The following FANCL variants were observed in gnomAD, a reference collection of about 807,000 sequenced individuals.
FANCL encodes FA complementation group L, also known as E3 ubiquitin-protein ligase FANCL.
Under a neutral mutation model 59.4 loss-of-function variants are expected in FANCL, and 69 were observed. The observed-to-expected ratio is 1.16, with a 90% CI of 0.96 to 1.42. The LOEUF is 1.42. FANCL is among the 40% of genes most tolerant of loss of function. The pLI is 0.00. For missense variants in FANCL, 519 were observed against 447.2 expected (o/e 1.16, Z -1.45); for synonymous variants, 180 against 147.1 (o/e 1.22, Z -1.62).
At chr2:58,175,510 A>G (rs1298521652) in intron 7 of FANCL, among the ~76,000 whole-genome samples, 1 of 152,114 alleles carries the variant, frequency 6.6e-6, no homozygotes, top group South Asian at 2.1e-4. Context: ...AATCCAGCAC[A>G]TAAACAGAAC....
chr2:58,241,127 G>C, intron 1 of FANCL, 91 bp downstream of exon 1: 1 of 1,367,404 alleles, frequency 7.3e-7, no homozygotes, highest in Non-Finnish European at 1.0e-6. Context: ...CACAAGTCTG[G>C]GCCCCTAACC....
chr2:58,180,180 T>C (rs531747743), intron 7 of FANCL, among the ~76,000 whole-genome samples: 1 of 152,326 alleles, frequency 6.6e-6, no homozygotes, highest in South Asian at 2.1e-4. Context: ...CTCAAGGATC[T>C]AGAAGCAGAA....
At chr2:58,185,887 A>T (rs990992882) in intron 7 of FANCL, among the ~76,000 whole-genome samples, 15 of 152,136 alleles carry the variant, frequency 9.9e-5, no homozygotes, top group African/African-American at 3.6e-4. Flanking sequence ...TCCACTGCTG[A>T]ATTACTTGTA....
At chr2:58,214,921 T>C (rs1691557014) in intron 5 of FANCL, among the ~76,000 whole-genome samples, 1 of 152,180 alleles carries the variant, frequency 6.6e-6, no homozygotes, top group Non-Finnish European at 1.5e-5. Flanking sequence ...AAATCTCATA[T>C]CACATCCTTA....
At chr2:58,205,424 A>G (rs756054987) in intron 5 of FANCL, among the ~76,000 whole-genome samples, 2 of 152,090 alleles carry the variant, frequency 1.3e-5, no homozygotes, top group Non-Finnish European at 2.9e-5. Flanking sequence ...TCTTTCAGCT[A>G]TATCTGTAAA....
At chr2:58,173,439 C>T (rs1381403312) in intron 7 of FANCL, among the ~76,000 whole-genome samples, 2 of 152,196 alleles carry the variant, frequency 1.3e-5, no homozygotes, top group Non-Finnish European at 2.9e-5. Context: ...GCTGATCTCT[C>T]AGCAGAAACT....
At chr2:58,189,547 AC>A (rs1667992659) in intron 7 of FANCL, among the ~76,000 whole-genome samples, 1 of 152,152 alleles carries the variant, frequency 6.6e-6, no homozygotes, top group Admixed American at 6.5e-5. Context: ...ATATGTGAGA[AC>A]TAAGATGTTA....
intron 8 of FANCL, among the ~76,000 whole-genome samples, chr2:58,164,489 A>G (rs565238061): frequency 1.2e-3 from 178 of 152,136 alleles, no homozygotes; most frequent in Middle Eastern, 3.4e-3. Flanking sequence ...TCATCTGGTA[A>G]TGGCTCCAGA....
chr2:58,216,728 T>A (rs1691757137), intron 5 of FANCL, among the ~76,000 whole-genome samples: 2 of 152,064 alleles, frequency 1.3e-5, no homozygotes, highest in South Asian at 4.1e-4. Context: ...GAATGCACAC[T>A]GTCCACCTTC....
intron 5 of FANCL, among the ~76,000 whole-genome samples, chr2:58,220,025 C>T (rs1029108290): frequency 6.6e-6 from 1 of 151,660 alleles, no homozygotes; most frequent in African/African-American, 2.4e-5. Context: ...TAAAGTAGCT[C>T]GGTTCTAATA....
chr2:58,226,977 G>A (rs1693072507), intron 3 of FANCL, among the ~76,000 whole-genome samples, 193 bp from the exon 4 acceptor site: 1 of 152,194 alleles, frequency 6.6e-6, no homozygotes, highest in African/African-American at 2.4e-5. Flanking sequence ...AGTAATTAAT[G>A]TCCTCAAATC....
chr2:58,233,738 T>TA (rs1214923405), intron 1 of FANCL, among the ~76,000 whole-genome samples: 6 of 150,436 alleles, frequency 4.0e-5, no homozygotes, highest in African/African-American at 1.2e-4. Context: ...TAAGTAAGTG[T>TA]AAAAAAAAAT....
intron 7 of FANCL, among the ~76,000 whole-genome samples, chr2:58,177,770 T>C (rs1173335473): frequency 7.0e-6 from 1 of 143,286 alleles, no homozygotes; most frequent in Non-Finnish European, 1.5e-5. Context: ...ACACTAAAAC[T>C]TAATAATAAA....
At chr2:58,217,263 A>C (rs1691931194) in intron 5 of FANCL, among the ~76,000 whole-genome samples, 1 of 131,152 alleles carries the variant, frequency 7.6e-6, no homozygotes, top group Non-Finnish European at 1.6e-5. Flanking sequence ...TTTGGCTAAA[A>C]CAAGAGGAAT....
chr2:58,186,687 A>G (rs1354066368), intron 7 of FANCL, among the ~76,000 whole-genome samples: 2 of 152,108 alleles, frequency 1.3e-5, no homozygotes, highest in East Asian at 3.9e-4. Context: ...GTAGATATGT[A>G]TGTATGCCTT....
intron 5 of FANCL, among the ~76,000 whole-genome samples, chr2:58,205,630 CA>C (rs1330362580): frequency 2.0e-5 from 3 of 151,572 alleles, no homozygotes; most frequent in African/African-American, 7.3e-5. Context: ...CCTACAGTTA[CA>C]AAAAAAGAAG....
intron 7 of FANCL, among the ~76,000 whole-genome samples, chr2:58,180,998 G>T (rs1687886268): frequency 6.6e-6 from 1 of 151,980 alleles, no homozygotes; most frequent in Non-Finnish European, 1.5e-5. Context: ...GTTTTGAAAA[G>T]ATTTGACAAT....
At chr2:58,226,907 C>T in intron 3 of FANCL, 123 bp from the exon 4 acceptor site, 1 of 792,502 alleles carries the variant, frequency 1.3e-6, no homozygotes, top group Non-Finnish European at 2.1e-6. Context: ...CATCTGAAAA[C>T]TATAAGAAAT....
chr2:58,223,087 C>G (rs893973548), intron 4 of FANCL, among the ~76,000 whole-genome samples: 1 of 150,662 alleles, frequency 6.6e-6, no homozygotes, highest in Non-Finnish European at 1.5e-5. Context: ...CACTTCAAAA[C>G]CAAAACTATT....
Sources: gnomAD v4.1 joint callset for allele counts (sites outside exome capture counted in the v4.1 genomes callset) on GRCh38, gnomAD v4.1.1 for gene constraint, MANE v1.5 for transcripts, NCBI Gene and HGNC (gene_info 2026-07-23, HGNC 2026-07-21) for gene names.